Variants in RNF150 observed in about 807,000 individuals in gnomAD.
RNF150 encodes the protein ring finger protein 150.
Under a neutral mutation model 39.3 loss-of-function variants are expected in RNF150, and 24 were observed. The ratio of observed to expected loss-of-function variants is 0.61; its 90% CI spans 0.44 to 0.86. RNF150 has a LOEUF of 0.86. RNF150 is among the 40% of genes least tolerant of loss of function. The probability of loss-of-function intolerance (pLI) is 0.00; values close to 1 mark genes in which losing one functional copy is unlikely to be tolerated. For missense variants in RNF150, 502 were observed against 587.8 expected (o/e 0.85, Z 1.51); for synonymous variants, 255 against 227.3 (o/e 1.12, Z -1.10).
At chr4:140,955,679 G>T (rs761339896) in intron 2 of RNF150, among the ~76,000 whole-genome samples, 4 of 152,136 alleles carry the variant, frequency 2.6e-5, no homozygotes, top group Non-Finnish European at 4.4e-5. Context: ...TGAGGGCTTT[G>T]TACTTTCTTC....
At chr4:141,013,363 T>C (rs1735148084) in intron 1 of RNF150, among the ~76,000 whole-genome samples, 1 of 152,220 alleles carries the variant, frequency 6.6e-6, no homozygotes, top group African/African-American at 2.4e-5. Context: ...ATATATGTTG[T>C]ATGTTTGAAA....
At chr4:140,897,093 A>G (rs4470710) in intron 6 of RNF150, among the ~76,000 whole-genome samples, 58,169 of 152,050 alleles carry the variant, frequency 0.38, 11,678 homozygotes, top group East Asian at 0.48. Context: ...GTCTCTTAAG[A>G]AGGATCCTCC....
chr4:141,159,289 G>A (rs1333073771), intron 1 of RNF150, among the ~76,000 whole-genome samples: 1 of 152,150 alleles, frequency 6.6e-6, no homozygotes, highest in African/African-American at 2.4e-5. Flanking sequence ...CATGTAATCA[G>A]TGAATGTGGC....
chr4:141,099,075 T>C (rs1738909478), intron 1 of RNF150, among the ~76,000 whole-genome samples: 1 of 152,170 alleles, frequency 6.6e-6, no homozygotes, highest in East Asian at 1.9e-4. Context: ...GCCACTCTTA[T>C]ATAGTTATAC....
intron 1 of RNF150, among the ~76,000 whole-genome samples, chr4:141,198,938 T>A (rs905090975): frequency 3.9e-5 from 6 of 152,096 alleles, no homozygotes; most frequent in African/African-American, 1.4e-4. Context: ...AAAAGACAAT[T>A]TACAGACTGG....
chr4:141,008,251 G>A (rs955614267), intron 1 of RNF150, among the ~76,000 whole-genome samples: 1 of 152,012 alleles, frequency 6.6e-6, no homozygotes, highest in Non-Finnish European at 1.5e-5. Flanking sequence ...TTCATATAGG[G>A]CCTAAGTCAT....
intron 1 of RNF150, among the ~76,000 whole-genome samples, chr4:141,013,909 C>T (rs1735166229): frequency 2.6e-5 from 4 of 152,070 alleles, no homozygotes; most frequent in Admixed American, 6.6e-5. Flanking sequence ...CTGTGCTGTG[C>T]AATACATCTC....
intron 6 of RNF150, among the ~76,000 whole-genome samples, chr4:140,899,322 A>G (rs983285786): frequency 2.0e-5 from 3 of 152,174 alleles, no homozygotes; most frequent in Admixed American, 6.5e-5. Flanking sequence ...TCAGGTTTCT[A>G]TGTAAAACCT....
Position 141,036,356 on chromosome 4 carries a change from C to T in RNF150, c.485-68483G>A, listed in dbSNP as rs142862657. On this transcript the variant is annotated intron_variant, in intron 1 of 6. Transcript: ENST00000515673. The stretch of plus-strand genomic sequence containing the variant: ...ATCACAATTCCCCTCCAATGCTAGG[C>T]TTGGTATTTAGATTTTATTTTTCCT... Among the ~76,000 whole-genome samples the T allele has an allele frequency of 7.9e-4, 121 of 152,252 alleles. 7 individuals are homozygous for T. Among genetic ancestry groups the T allele is most frequent in the Non-Finnish European group, 4.9e-4 (33 of 68,010 alleles).
intron 6 of RNF150, among the ~76,000 whole-genome samples, chr4:140,887,872 C>T (rs1213849231): frequency 6.6e-6 from 1 of 152,142 alleles, no homozygotes; most frequent in African/African-American, 2.4e-5. Flanking sequence ...ATATATAGTC[C>T]TCAGGAAGAG....
chr4:140,922,340 G>C (rs1222740172), intron 5 of RNF150, among the ~76,000 whole-genome samples: 6 of 150,066 alleles, frequency 4.0e-5, no homozygotes, highest in African/African-American at 1.2e-4. Context: ...CAAACAGAGA[G>C]GCAAATCATG....
At chr4:141,103,350 G>A (rs1739082174) in intron 1 of RNF150, among the ~76,000 whole-genome samples, 1 of 152,104 alleles carries the variant, frequency 6.6e-6, no homozygotes, top group Non-Finnish European at 1.5e-5. Flanking sequence ...TTTTAATGAT[G>A]GCTTCTATGA....
intron 1 of RNF150, among the ~76,000 whole-genome samples, chr4:141,173,068 C>T (rs1727758510): frequency 6.6e-6 from 1 of 151,984 alleles, no homozygotes; most frequent in Non-Finnish European, 1.5e-5. Context: ...ATTAATCTTA[C>T]TTTAAAGCAA....
At chr4:141,204,310 T>C (rs910074888) in intron 1 of RNF150, among the ~76,000 whole-genome samples, 7 of 152,100 alleles carry the variant, frequency 4.6e-5, no homozygotes, top group African/African-American at 1.4e-4. Flanking sequence ...TCATAATCTA[T>C]TGGAAGTGAG....
chr4:140,875,471 T>TG (rs1729119709), intron 6 of RNF150, among the ~76,000 whole-genome samples: 1 of 152,196 alleles, frequency 6.6e-6, no homozygotes, highest in African/African-American at 2.4e-5. Flanking sequence ...CCACCATACC[T>TG]GGCCCATAAT....
intron 1 of RNF150, among the ~76,000 whole-genome samples, chr4:141,197,943 T>C (rs192044993): frequency 1.1e-3 from 162 of 152,044 alleles, no homozygotes; most frequent in Admixed American, 2.2e-3. Flanking sequence ...ACATAGTAAG[T>C]GCTTAGTTAA....
intron 5 of RNF150, among the ~76,000 whole-genome samples, chr4:140,923,782 T>A (rs991996812): frequency 3.9e-5 from 6 of 152,198 alleles, no homozygotes; most frequent in African/African-American, 1.4e-4. Context: ...CATGGAATAC[T>A]ATGCAGCCAT....
chr4:141,033,524 T>A (rs1736029610), intron 1 of RNF150, among the ~76,000 whole-genome samples: 1 of 152,218 alleles, frequency 6.6e-6, no homozygotes, highest in Admixed American at 6.5e-5. Context: ...ACAAATATTC[T>A]TAGTGCCTTT....
chr4:140,956,784 G>A (rs1017815521), intron 2 of RNF150, among the ~76,000 whole-genome samples: 1 of 152,134 alleles, frequency 6.6e-6, no homozygotes, highest in Non-Finnish European at 1.5e-5. Context: ...TGACAAACCT[G>A]AGAAAAACAA....
Sources: gnomAD v4.1 joint callset for allele counts (sites outside exome capture counted in the v4.1 genomes callset) on GRCh38, gnomAD v4.1.1 for gene constraint, MANE v1.5 for transcripts, NCBI Gene and HGNC (gene_info 2026-07-23, HGNC 2026-07-21) for gene names.